CAMTA1: variants seen among roughly 807,000 people sequenced by gnomAD.
CAMTA1 encodes calmodulin-binding transcription activator 1.
A neutral mutation model predicts 170.9 loss-of-function variants in CAMTA1; 27 were observed. The observed-to-expected ratio is 0.16, with a 90% CI of 0.12 to 0.22. The LOEUF (loss-of-function observed/expected upper bound fraction) is 0.22, where lower values mean the gene tolerates loss of function less well. Among genes scored for constraint, CAMTA1 ranks in the 10% least tolerant of loss-of-function variants. The pLI, the probability that CAMTA1 is intolerant of heterozygous loss-of-function variation, is 1.00. For synonymous variants in CAMTA1, 833 were observed against 891.5 expected, an observed-to-expected ratio of 0.93 and a Z score of 1.17; for missense variants, 1,619 against 2,217.2, an observed-to-expected ratio of 0.73 and a Z score of 5.42.
intron 3 of CAMTA1, among the ~76,000 whole-genome samples, chr1:7,075,978 T>C (rs770587220): frequency 1.8e-4 from 27 of 152,332 alleles, no homozygotes; most frequent in Middle Eastern, 3.4e-3. Flanking sequence ...TCAGTGATTT[T>C]AGACCCTAAC....
rs1652256854 is a variant in CAMTA1, at chr1:7,181,945, CAT to C, written c.303-67545_303-67544del. 4.0e-5 allele frequency among the ~76,000 whole-genome samples: 6 copies of C among 150,562 alleles called. No individual in the cohort carries two copies. The South Asian group carries it at 1.2e-3, about 31-fold the overall frequency. On this transcript the variant is annotated intron_variant, in intron 4 of 22. Coordinates refer to ENST00000303635, the MANE Select transcript of CAMTA1 (RefSeq NM_015215.4). ...TACTGGGAGGAATAGCTCTACCAAA[CAT>C]TAAAATGAACTATAAAGCCTCTATA...
At chr1:7,323,940 T>C (rs1574680194) in intron 5 of CAMTA1, among the ~76,000 whole-genome samples, 1 of 152,356 alleles carries the variant, frequency 6.6e-6, no homozygotes, top group Non-Finnish European at 1.5e-5. Flanking sequence ...GTCCAAAATG[T>C]GTTCCATGTA....
At chr1:7,187,898 A>G (rs1228385901) in intron 4 of CAMTA1, among the ~76,000 whole-genome samples, 2 of 152,182 alleles carry the variant, frequency 1.3e-5, no homozygotes, top group African/African-American at 4.8e-5. Context: ...TGGGCCCTGT[A>G]TTAGTCTGTT....
chr1:7,753,455 T>A (rs1442560668), intron 21 of CAMTA1, among the ~76,000 whole-genome samples: 1 of 152,254 alleles, frequency 6.6e-6, no homozygotes, highest in African/African-American at 2.4e-5. Context: ...GACTCTCTAA[T>A]GTCTTACTTC....
chr1:7,281,339 A>C (rs948867192), intron 5 of CAMTA1, among the ~76,000 whole-genome samples: 2 of 152,226 alleles, frequency 1.3e-5, no homozygotes, highest in Non-Finnish European at 2.9e-5. Flanking sequence ...TACAGTTAAT[A>C]TGTCAAAGGC....
intron 4 of CAMTA1, among the ~76,000 whole-genome samples, chr1:7,237,250 T>C (rs1300641523): frequency 2.0e-5 from 3 of 152,184 alleles, no homozygotes; most frequent in East Asian, 1.9e-4. Flanking sequence ...ACAGATCTTA[T>C]GAATTCAGAG....
At chr1:7,340,041 T>G (rs1196408820) in intron 5 of CAMTA1, among the ~76,000 whole-genome samples, 1 of 152,160 alleles carries the variant, frequency 6.6e-6, no homozygotes, top group East Asian at 1.9e-4. Context: ...AATCAGCAAA[T>G]TTTTTTCTGT....
At chr1:7,373,429 C>T (rs1419147312) in intron 5 of CAMTA1, among the ~76,000 whole-genome samples, 1 of 152,230 alleles carries the variant, frequency 6.6e-6, no homozygotes, top group African/African-American at 2.4e-5. Flanking sequence ...GGCCTAGGCA[C>T]TGTGCGCAGA....
intron 5 of CAMTA1, among the ~76,000 whole-genome samples, chr1:7,384,332 G>A (rs980064283): frequency 5.9e-5 from 9 of 152,244 alleles, no homozygotes; most frequent in African/African-American, 4.8e-5. Context: ...CTGGCCTGGT[G>A]CAGGAAAGGG....
chr1:7,368,947 G>A, intron 5 of CAMTA1: 1 of 152,420 alleles, frequency 6.6e-6, no homozygotes. Context: ...CTGTGGCACA[G>A]TGTACCTCCA....
At position 7,748,440 on chromosome 1, in the gene CAMTA1, G is replaced by A. The variant is rs1005192559; in HGVS notation, c.4689+659G>A. ...AACCATCTGCAATTAGACTTGTACC[G>A]CAAAAGGGTTTTTGTCCAAATTTTT... On this transcript the variant is annotated intron_variant, in intron 19 of 22. Transcript: ENST00000303635. This position sits in a 1 kb window ranked among gnomAD's most constrained non-coding sequence, Gnocchi z 4.7. Among the ~76,000 whole-genome samples, 8 of 152,054 alleles carry A rather than the reference G, an allele frequency of 5.3e-5. No homozygotes were observed. Among genetic ancestry groups the A allele is most frequent in the African/African-American group, 1.2e-4 (5 of 41,404 alleles).
At chr1:7,693,933 C>G (rs1337239096) in intron 11 of CAMTA1, 1 of 152,278 alleles carries the variant, frequency 6.6e-6, no homozygotes, top group Non-Finnish European at 1.5e-5. Flanking sequence ...TAAACCTATC[C>G]AGTGTGGCCA....
intron 5 of CAMTA1, among the ~76,000 whole-genome samples, chr1:7,417,481 C>T (rs902007555): frequency 2.9e-5 from 2 of 68,156 alleles, no homozygotes; most frequent in Admixed American, 1.8e-4. Context: ...CAATGGCAGG[C>T]GCCCATCCCC....
At chr1:7,566,694 G>A (rs1262064194) in intron 6 of CAMTA1, among the ~76,000 whole-genome samples, 1 of 152,194 alleles carries the variant, frequency 6.6e-6, no homozygotes, top group Non-Finnish European at 1.5e-5. Flanking sequence ...GTCCCTCTGG[G>A]CTGTGTCACA....
intron 3 of CAMTA1, among the ~76,000 whole-genome samples, chr1:6,857,403 A>T (rs1662840159): frequency 6.6e-6 from 1 of 152,256 alleles, no homozygotes; most frequent in Admixed American, 6.5e-5. Context: ...TTACTTGTTC[A>T]ATTAAAAAAG....
intron 4 of CAMTA1, among the ~76,000 whole-genome samples, chr1:7,210,598 A>C (rs1437140804): frequency 6.6e-6 from 1 of 152,188 alleles, no homozygotes; most frequent in Non-Finnish European, 1.5e-5. Context: ...CTTGTATTTC[A>C]TTAAACTTTT....
At chr1:7,639,983 G>A (rs2095748020) in intron 6 of CAMTA1, among the ~76,000 whole-genome samples, 1 of 152,136 alleles carries the variant, frequency 6.6e-6, no homozygotes, top group Non-Finnish European at 1.5e-5. Context: ...GAGGGAGAGG[G>A]CAGTGGCTGT....
chr1:6,963,761 G>C (rs1690991714), intron 3 of CAMTA1, among the ~76,000 whole-genome samples: 1 of 152,182 alleles, frequency 6.6e-6, no homozygotes, highest in Non-Finnish European at 1.5e-5. Flanking sequence ...GGCTCGGGGA[G>C]CTGCGCTTTG....
At chr1:6,936,297 C>T (rs960761487) in intron 3 of CAMTA1, among the ~76,000 whole-genome samples, 17 of 152,114 alleles carry the variant, frequency 1.1e-4, no homozygotes, top group African/African-American at 4.1e-4. Context: ...AGAAGCCACT[C>T]GATGTTTTGT....
Sources: allele counts gnomAD v4.1 joint callset (sites outside exome capture counted in the v4.1 genomes callset), GRCh38; gene constraint gnomAD v4.1.1; non-coding constraint Gnocchi (gnomAD v3.1); transcripts MANE v1.5; gene names NCBI Gene and HGNC (gene_info 2026-07-23, HGNC 2026-07-21).